FHIT: variants seen among roughly 807,000 people sequenced by gnomAD.
FHIT encodes bis(5'-adenosyl)-triphosphatase.
In FHIT, 19 loss-of-function variants were observed where a neutral mutation model predicts 17.9. The ratio of observed to expected loss-of-function variants is 1.06; its 90% CI spans 0.74 to 1.56. The LOEUF (loss-of-function observed/expected upper bound fraction) is 1.56. FHIT is among the 40% of genes most tolerant of loss of function. FHIT has a pLI of 0.00. For synonymous variants in FHIT, 81 were observed against 69.7 expected (o/e 1.16, Z -0.81); for missense variants, 248 against 189.2 (o/e 1.31, Z -1.82).
chr3:61,050,658 TA>T (rs1303716622), intron 2 of FHIT, among the ~76,000 whole-genome samples: 1 of 151,930 alleles, frequency 6.6e-6, no homozygotes, highest in African/African-American at 2.4e-5. Context: ...AACGAAAAAA[TA>T]AAATGGGGAC....
At chr3:60,513,378 AC>A (rs1425324299) in intron 5 of FHIT, among the ~76,000 whole-genome samples, 1 of 152,196 alleles carries the variant, frequency 6.6e-6, no homozygotes, top group Admixed American at 6.5e-5. Flanking sequence ...TTTCTCACTT[AC>A]AGTAAAAATA....
intron 3 of FHIT, among the ~76,000 whole-genome samples, chr3:60,966,870 G>T (rs1351097557): frequency 1.3e-5 from 2 of 152,140 alleles, no homozygotes; most frequent in South Asian, 4.1e-4. Context: ...AAAGTCCTAA[G>T]GTGCAGTATT....
chr3:60,656,622 A>G (rs1553689667), intron 4 of FHIT, among the ~76,000 whole-genome samples: 1 of 152,166 alleles, frequency 6.6e-6, no homozygotes, highest in Non-Finnish European at 1.5e-5. Context: ...CCACCTCCCC[A>G]GGAGTTTTTC....
chr3:61,030,618 G>GA (rs34218648), intron 3 of FHIT, among the ~76,000 whole-genome samples: 5 of 152,110 alleles, frequency 3.3e-5, no homozygotes, highest in African/African-American at 1.2e-4. Flanking sequence ...CTAGTGGTGG[G>GA]AAAGCAGATA....
intron 7 of FHIT, among the ~76,000 whole-genome samples, chr3:59,977,138 G>A (rs961736493): frequency 4.6e-5 from 7 of 152,084 alleles, no homozygotes; most frequent in Non-Finnish European, 1.0e-4. Flanking sequence ...TAAGATCTTA[G>A]AATGCATTTT....
intron 5 of FHIT, among the ~76,000 whole-genome samples, chr3:60,281,164 G>GA (rs78038917): frequency 0.26 from 39,122 of 151,742 alleles, 5,794 homozygotes; most frequent in East Asian, 0.71. Flanking sequence ...GGATCTGTAA[G>GA]GAAATATAAA....
At chr3:60,676,338 C>T (rs1553695397) in intron 4 of FHIT, among the ~76,000 whole-genome samples, 1 of 152,102 alleles carries the variant, frequency 6.6e-6, no homozygotes, top group African/African-American at 2.4e-5. Context: ...ATCATCACTT[C>T]CCAGAGCAAG....
chr3:60,337,213 G>T (rs919795339), intron 5 of FHIT, among the ~76,000 whole-genome samples: 3 of 151,914 alleles, frequency 2.0e-5, no homozygotes, highest in Non-Finnish European at 4.4e-5. Context: ...TTTATCGAAA[G>T]GTAGGAAAAA....
chr3:60,725,211 T>C (rs782275360), intron 4 of FHIT, among the ~76,000 whole-genome samples: 22 of 152,200 alleles, frequency 1.4e-4, no homozygotes. Flanking sequence ...GATATATGAT[T>C]TGCAAAACAC....
At chr3:60,298,787 A>G (rs187394615) in intron 5 of FHIT, among the ~76,000 whole-genome samples, 8 of 152,252 alleles carry the variant, frequency 5.3e-5, no homozygotes, top group African/African-American at 1.7e-4. Flanking sequence ...AAATAAGTCA[A>G]CTTAAAGCTG....
intron 2 of FHIT, among the ~76,000 whole-genome samples, chr3:61,087,612 T>C (rs2035346121): frequency 1.3e-5 from 2 of 152,196 alleles, no homozygotes; most frequent in Non-Finnish European, 2.9e-5. Flanking sequence ...ACAATGATGC[T>C]CATGATGATA....
At chr3:60,634,331 G>C (rs1016740371) in intron 4 of FHIT, among the ~76,000 whole-genome samples, 1 of 152,098 alleles carries the variant, frequency 6.6e-6, no homozygotes, top group Admixed American at 6.5e-5. Context: ...ACTGAACTAG[G>C]AGACGAAGAA....
At chr3:60,210,523 C>G (rs1703399559) in intron 5 of FHIT, among the ~76,000 whole-genome samples, 2 of 1,420 alleles carry the variant, frequency 1.4e-3, no homozygotes, top group African/African-American at 3.0e-3. Flanking sequence ...ATAAAAATCC[C>G]CAATATACAC....
At chr3:60,682,509 A>C (rs762303376) in intron 4 of FHIT, among the ~76,000 whole-genome samples, 10 of 152,226 alleles carry the variant, frequency 6.6e-5, no homozygotes, top group Non-Finnish European at 1.3e-4. Context: ...ATGTTCTCTG[A>C]AAAGAAACAG....
intron 5 of FHIT, among the ~76,000 whole-genome samples, chr3:60,112,741 C>A (rs79076279): frequency 0.029 from 4,467 of 152,174 alleles, 222 homozygotes; most frequent in African/African-American, 0.1. Context: ...CTAGAGCATA[C>A]GAAAATACCA....
intron 5 of FHIT, among the ~76,000 whole-genome samples, chr3:60,481,650 T>G (rs2107475742): frequency 6.6e-6 from 1 of 152,308 alleles, no homozygotes; most frequent in East Asian, 1.9e-4. Context: ...CCACCAGGCC[T>G]GCCTTGCATG....
intron 5 of FHIT, among the ~76,000 whole-genome samples, chr3:60,027,148 C>CACACAAAAAAAAAA (rs1553654525): frequency 8.0e-6 from 1 of 125,748 alleles, no homozygotes; most frequent in African/African-American, 2.7e-5. Context: ...CACACACACA[C>CACACAAAAAAAAAA]AAAATTAGTA....
chr3:60,441,657 C>T (rs1365207756), intron 5 of FHIT, among the ~76,000 whole-genome samples: 1 of 142,776 alleles, frequency 7.0e-6, no homozygotes, highest in African/African-American at 2.6e-5. Context: ...AAATCTTAGG[C>T]CAATACATTC....
rs552220607 is a variant in FHIT, at chr3:60,464,604, C to T, written c.103+72256G>A. On this transcript the variant is annotated intron_variant, in intron 5 of 9. Transcript: ENST00000492590. ...TTTAGTTCTCACAAAGAAGTGAGAA[C>T]ATGTGATGTTTGTCTTTCTGTGCCT... 1.3e-4 allele frequency among the ~76,000 whole-genome samples: 20 copies of T among 152,254 alleles called. No individual in the cohort carries two copies. In the East Asian group the frequency reaches 3.7e-3, roughly 28 times the overall value.
Sources: gnomAD v4.1 joint callset for allele counts (sites outside exome capture counted in the v4.1 genomes callset) on GRCh38, gnomAD v4.1.1 for gene constraint, MANE v1.5 for transcripts, NCBI Gene and HGNC (gene_info 2026-07-23, HGNC 2026-07-21) for gene names.